Variants in GSPT1 observed in about 807,000 individuals in gnomAD.
GSPT1 encodes G1 to S phase transition 1.
Under a neutral mutation model 72.5 loss-of-function variants are expected in GSPT1, and 20 were observed. The observed-to-expected ratio is 0.28, with a 90% confidence interval of 0.19 to 0.40. The LOEUF is 0.40. Among genes scored for constraint, GSPT1 ranks in the 10% least tolerant of loss-of-function variants. The probability of loss-of-function intolerance (pLI) is 1.00; values close to 1 mark genes in which losing one functional copy is unlikely to be tolerated. For synonymous variants in GSPT1, 334 were observed against 293.5 expected (o/e 1.14, Z -1.41); for missense variants, 580 against 811.9 (o/e 0.71, Z 3.47).
chr16:11,916,380 G>T (rs1229760334), upstream of GSPT1, among the ~76,000 whole-genome samples: 1 of 152,222 alleles, frequency 6.6e-6, no homozygotes, highest in East Asian at 1.9e-4. Context: ...CTGGACACAG[G>T]CTGGGGGAAA....
chr16:11,896,897 T>C (rs2054347402), intron 3 of GSPT1, 112 bp from the exon 4 acceptor site: 2 of 710,104 alleles, frequency 2.8e-6, no homozygotes, highest in Non-Finnish European at 4.7e-6. Flanking sequence ...TTCCATTTCC[T>C]AATGCCTAGT....
intron 3 of GSPT1, 48 bp downstream of exon 3, chr16:11,897,788 AGAGT>A (rs1259305676): frequency 3.3e-5 from 29 of 873,210 alleles, no homozygotes; most frequent in South Asian, 5.7e-5. Context: ...TTAAATCTTG[AGAGT>A]GAAAGAGTTT....
chr16:11,892,729 T>C (rs1380844007), intron 5 of GSPT1, among the ~76,000 whole-genome samples: 2 of 139,694 alleles, frequency 1.4e-5, no homozygotes, highest in Non-Finnish European at 3.0e-5. Context: ...CTTGGGAGGC[T>C]GAGGCAGGAG....
At chr16:11,909,538 A>C (rs571432725) in intron 1 of GSPT1, among the ~76,000 whole-genome samples, 1 of 152,206 alleles carries the variant, frequency 6.6e-6, no homozygotes, top group Non-Finnish European at 1.5e-5. Flanking sequence ...CCAGACTCAT[A>C]GTAACTGAAC....
rs922823724 is a variant in GSPT1 at position 11,872,394 on chromosome 16, A to AAG, written c.*724_*725insCT. The AAG allele has an allele frequency of 6.6e-6, 1 of 151,570 alleles. No individual in the cohort carries two copies. The highest frequency in any genetic ancestry group is 2.4e-5 in the African/African-American group (1 of 41,180). 9.4% of individuals were successfully genotyped at this position (151,570 alleles called of 1,614,324 possible). On this transcript the variant is annotated 3_prime_UTR_variant, in exon 15 of 15. Transcript: ENST00000434724. ...AATATAAATTGGCAAAAAAAAAAAA[A>AAG]ATAAATAAATAACTAAAAGACCTAG...
chr16:11,882,204 G>A (rs1175635759), intron 11 of GSPT1: 2 of 152,228 alleles, frequency 1.3e-5, no homozygotes, highest in Non-Finnish European at 2.9e-5. Flanking sequence ...AGCCAAGAAT[G>A]TGCCACTGCA....
At chr16:11,880,700 G>C (rs2054111289) in intron 11 of GSPT1, among the ~76,000 whole-genome samples, 1 of 152,128 alleles carries the variant, frequency 6.6e-6, no homozygotes, top group Non-Finnish European at 1.5e-5. Flanking sequence ...TTGGCTGTTT[G>C]TACATCTTCT....
At chr16:11,881,512 C>T (rs909578742) in intron 11 of GSPT1, 9 of 152,036 alleles carry the variant, frequency 5.9e-5, no homozygotes, top group African/African-American at 2.2e-4. Flanking sequence ...CTAGTGTATT[C>T]ACCATGTTGT....
rs1202360364 is a variant in GSPT1, at chr16:11,915,611, T to A, written c.110A>T (p.Glu37Val). The change falls in exon 1 of 15, where the codon GAA (glutamate) becomes GTA (valine). Residue 37 changes from glutamate to valine, a missense_variant. By Grantham distance (121) the Glu-to-Val change is moderately radical (BLOSUM62 -2). Coordinates refer to ENST00000434724, the MANE Select transcript of GSPT1 (RefSeq NM_002094.4). Reference protein sequence around the residue: ...APDCWDQADMEAPGPGPCGGG... With the variant: ...APDCWDQADMVAPGPGPCGGG... ...GCCGCAAGGGCCCGGCCCGGGGGCT[T>A]CCATGTCCGCCTGGTCCCAGCAGTC... 2 of 1,490,552 alleles carry A rather than the reference T, an allele frequency of 1.3e-6. No homozygotes were observed. Among genetic ancestry groups the A allele is most frequent in the Non-Finnish European group, 1.8e-6 (2 of 1,124,022 alleles). 92.3% of individuals were successfully genotyped at this position (1,490,552 alleles called of 1,614,324 possible).
At chr16:11,903,697 A>G (rs962858706) in intron 1 of GSPT1, among the ~76,000 whole-genome samples, 2 of 152,200 alleles carry the variant, frequency 1.3e-5, no homozygotes, top group African/African-American at 4.8e-5. Context: ...TCTCCAAAAA[A>G]AAGGAAATGT....
intron 1 of GSPT1, among the ~76,000 whole-genome samples, chr16:11,913,553 T>C (rs1345620240): frequency 6.6e-6 from 1 of 152,220 alleles, no homozygotes; most frequent in East Asian, 1.9e-4. Flanking sequence ...ACAGTGACCA[T>C]TCTAGACCAA....
rs1328097900 is a variant in GSPT1, at chr16:11,915,603, C to G, written c.118G>C (p.Gly40Arg). ...CCGCCGCCGCCGCAAGGGCCCGGCC[C>G]GGGGGCTTCCATGTCCGCCTGGTCC... ...CWDQADMEAP[G>R]PGPCGGGGSL... The change falls in exon 1 of 15, where the codon GGG (glycine) becomes CGG (arginine). Residue 40 changes from glycine (G) to arginine (R), a missense_variant. Gly to Arg is a moderately radical substitution (Grantham distance 125). Transcript: ENST00000434724. The G allele has an allele frequency of 6.7e-7, 1 of 1,490,852 alleles. No homozygotes were observed. Among genetic ancestry groups the G allele is most frequent in the Non-Finnish European group, 8.9e-7 (1 of 1,123,422 alleles). The allele number at this position is 1,490,852 out of a possible 1,614,324, so 92.4% of individuals were successfully genotyped here. A position where few individuals can be genotyped will look rare whatever the true frequency, so the allele number is the denominator to read the frequency against.
intron 1 of GSPT1, among the ~76,000 whole-genome samples, chr16:11,910,818 C>T (rs2054548238): frequency 6.6e-6 from 1 of 152,174 alleles, no homozygotes; most frequent in East Asian, 1.9e-4. Context: ...TACGTAATAC[C>T]TGCTCCAAAG....
intron 1 of GSPT1, among the ~76,000 whole-genome samples, chr16:11,911,692 ACGGG>A (rs2054559239): frequency 6.6e-6 from 1 of 151,118 alleles, no homozygotes; most frequent in Non-Finnish European, 1.5e-5. Context: ...AGCTGGGACT[ACGGG>A]CGCGCACCAC....
At chr16:11,891,916 C>T (rs186480547) in intron 5 of GSPT1, among the ~76,000 whole-genome samples, 10 of 152,106 alleles carry the variant, frequency 6.6e-5, no homozygotes, top group Admixed American at 3.9e-4. Context: ...CAGCCTCAGC[C>T]TCCCAAAGTG....
chr16:11,891,563 C>T (rs916859018), intron 5 of GSPT1, among the ~76,000 whole-genome samples: 1 of 151,404 alleles, frequency 6.6e-6, no homozygotes, highest in African/African-American at 2.4e-5. Flanking sequence ...GGTTTCATTA[C>T]GTTGGCCAGG....
At chr16:11,881,652 T>C (rs2054123206) in intron 11 of GSPT1, 1 of 109,538 alleles carries the variant, frequency 9.1e-6, no homozygotes, top group Admixed American at 1.2e-4. Flanking sequence ...TACACTTCCA[T>C]AGCTTTTTTT....
At chr16:11,896,351 T>C (rs2054338477) in intron 4 of GSPT1, among the ~76,000 whole-genome samples, 1 of 152,218 alleles carries the variant, frequency 6.6e-6, no homozygotes, top group South Asian at 2.1e-4. Context: ...TCTTCCAGCA[T>C]CTATGCCGTT....
At chr16:11,910,370 C>A (rs983462108) in intron 1 of GSPT1, among the ~76,000 whole-genome samples, 4 of 152,230 alleles carry the variant, frequency 2.6e-5, no homozygotes, top group Non-Finnish European at 4.4e-5. Context: ...GTACACTGGG[C>A]ATCTGATCCC....
Sources: allele counts gnomAD v4.1 joint callset (sites outside exome capture counted in the v4.1 genomes callset), GRCh38; gene constraint gnomAD v4.1.1; transcripts MANE v1.5; gene names NCBI Gene and HGNC (gene_info 2026-07-23, HGNC 2026-07-21).